The following OCA2 variants were observed in gnomAD, a reference collection of about 807,000 sequenced individuals.
The protein encoded by OCA2 is OCA2 melanosomal transmembrane protein.
In OCA2, 77 loss-of-function variants were observed where a neutral mutation model predicts 100.2. The observed-to-expected ratio is 0.77, with a 90% CI of 0.64 to 0.93. OCA2 has a LOEUF of 0.93. Ranked by LOEUF, OCA2 falls within the 40% of genes least tolerant of loss-of-function variation. The probability of loss-of-function intolerance (pLI) is 0.00; values close to 1 mark genes in which losing one functional copy is unlikely to be tolerated. For synonymous variants in OCA2, 432 were observed against 439.2 expected, an observed-to-expected ratio of 0.98 and a Z score of 0.21; for missense variants, 1,062 against 1,089.1, an observed-to-expected ratio of 0.98 and a Z score of 0.35.
rs148659233 is a variant in OCA2, at chr15:28,018,516, C to A, written c.688G>T (p.Val230Leu). The A allele has an allele frequency of 4.3e-5, 69 of 1,613,652 alleles. No individual in the cohort carries two copies. The African/African-American group carries it at 8.7e-4, about 20-fold the overall frequency. The change falls in exon 7 of 24, where the codon GTG (valine) becomes TTG (leucine). Residue 230 changes from valine to leucine, a missense_variant. Val to Leu is a conservative substitution (Grantham distance 32). Coordinates refer to ENST00000354638, the MANE Select transcript of OCA2 (RefSeq NM_000275.3). Reference protein sequence around the residue: ...SSHVDSTLLQVDLAGALVASG... With the variant: ...SSHVDSTLLQLDLAGALVASG... ...GCCACTAGGGCCCCTGCCAGGTCCA[C>A]CTGCAGCAGCGTGGAGTCCACGTGG...
intron 17 of OCA2, among the ~76,000 whole-genome samples, chr15:27,952,361 C>T (rs918849812): frequency 6.6e-6 from 1 of 152,190 alleles, no homozygotes. Flanking sequence ...GAATGACACC[C>T]GCGAGAATCC....
chr15:28,094,338 G>A (rs1486283828), intron 1 of OCA2, among the ~76,000 whole-genome samples: 5 of 152,112 alleles, frequency 3.3e-5, no homozygotes, highest in Admixed American at 2.6e-4. Flanking sequence ...GACTTGCCTA[G>A]GGCAGGGCCA....
intron 7 of OCA2, among the ~76,000 whole-genome samples, chr15:28,017,230 G>A (rs940825731): frequency 6.6e-6 from 1 of 152,154 alleles, no homozygotes; most frequent in African/African-American, 2.4e-5. Context: ...TATCTGGGGG[G>A]AAAAATCCTT....
At chr15:27,805,315 C>A (rs1035947965) in intron 23 of OCA2, among the ~76,000 whole-genome samples, 2 of 152,252 alleles carry the variant, frequency 1.3e-5, no homozygotes, top group South Asian at 4.1e-4. Context: ...AGGCGATAAG[C>A]CTTAGGGGCT....
In OCA2 at chr15:28,022,656, A is replaced by T; in HGVS notation, c.574-83T>A. 6.9e-6 allele frequency: 7 copies of T among 1,009,898 alleles called. No individual in the cohort carries two copies. In the South Asian group the frequency reaches 9.1e-5, roughly 13 times the overall value. The allele number at this position is 1,009,898 out of a possible 1,614,324, so 62.6% of individuals were successfully genotyped here. On this transcript the variant is annotated intron_variant, in intron 5 of 23. Coordinates refer to ENST00000354638, the MANE Select transcript of OCA2 (RefSeq NM_000275.3). ...AATCATTTTGATAACAGTCGAAAAC[A>T]GATGTGATGATGGGGCTACTGTGTG...
intron 23 of OCA2, among the ~76,000 whole-genome samples, chr15:27,832,482 G>A (rs1047461665): frequency 2.2e-4 from 33 of 152,118 alleles, no homozygotes; most frequent in Admixed American, 2.1e-3. Flanking sequence ...CATCTTCAGC[G>A]CCATCCTCTT....
chr15:28,026,479 C>G (rs2042750667), intron 4 of OCA2, among the ~76,000 whole-genome samples: 1 of 152,134 alleles, frequency 6.6e-6, no homozygotes, highest in African/African-American at 2.4e-5. Context: ...TTTATTGCAC[C>G]CACGAGGGGG....
chr15:27,791,546 G>T (rs1266886405), intron 23 of OCA2, among the ~76,000 whole-genome samples: 1 of 152,218 alleles, frequency 6.6e-6, no homozygotes, highest in Non-Finnish European at 1.5e-5. Context: ...TTTTTCCAGT[G>T]ATAGACCTGC....
chr15:28,000,458 G>T, intron 9 of OCA2, among the ~76,000 whole-genome samples: 1 of 152,084 alleles, frequency 6.6e-6, no homozygotes. Context: ...TACAGAAATT[G>T]ACTTAAAATT....
intron 2 of OCA2, among the ~76,000 whole-genome samples, chr15:28,061,821 C>T (rs771676196): frequency 3.3e-5 from 5 of 152,152 alleles, no homozygotes; most frequent in Admixed American, 6.5e-5. Flanking sequence ...TGAAAACATA[C>T]AATTTATCGT....
chr15:27,768,639 A>G (rs2031472347), intron 23 of OCA2, among the ~76,000 whole-genome samples: 1 of 152,224 alleles, frequency 6.6e-6, no homozygotes, highest in African/African-American at 2.4e-5. Flanking sequence ...TGGCTTGGCC[A>G]GCCTCGAGCT....
intron 18 of OCA2, 64 bp from the exon 19 acceptor site, chr15:27,926,318 A>C (rs1338678389): frequency 1.9e-6 from 3 of 1,584,456 alleles, no homozygotes; most frequent in Non-Finnish European, 2.6e-6. Flanking sequence ...TCATTTCTTT[A>C]ACCTCTGGTT....
chr15:27,993,051 G>A (rs907619540), intron 9 of OCA2, among the ~76,000 whole-genome samples: 2 of 152,138 alleles, frequency 1.3e-5, no homozygotes, highest in African/African-American at 4.8e-5. Context: ...TTGAGCCCTG[G>A]AGGCAGAGCC....
At chr15:28,093,247 C>A (rs2044901143) in intron 1 of OCA2, among the ~76,000 whole-genome samples, 1 of 152,108 alleles carries the variant, frequency 6.6e-6, no homozygotes, top group South Asian at 2.1e-4. Flanking sequence ...CATGGTGTAA[C>A]CTCGCCTCTA....
At chr15:28,095,382 G>C (rs894626077) in intron 1 of OCA2, among the ~76,000 whole-genome samples, 1 of 152,212 alleles carries the variant, frequency 6.6e-6, no homozygotes, top group African/African-American at 2.4e-5. Context: ...TCACAGTGGC[G>C]GCGATCAACA....
chr15:27,911,820 A>G (rs916720003), intron 19 of OCA2, among the ~76,000 whole-genome samples: 10 of 152,212 alleles, frequency 6.6e-5, no homozygotes, highest in African/African-American at 1.9e-4. Flanking sequence ...CCCAGCCCCA[A>G]TAAGTGCATT....
chr15:28,048,600 G>T (rs887490575), intron 2 of OCA2, among the ~76,000 whole-genome samples: 14 of 151,886 alleles, frequency 9.2e-5, no homozygotes, highest in Admixed American at 9.2e-4. Flanking sequence ...AAACAAACAT[G>T]ACCTTGGATT....
intron 23 of OCA2, among the ~76,000 whole-genome samples, chr15:27,808,813 T>A (rs1445214521): frequency 2.0e-5 from 3 of 152,124 alleles, no homozygotes; most frequent in Non-Finnish European, 4.4e-5. Context: ...GGGATCCCTA[T>A]GGAATTGTCA....
chr15:27,974,506 C>T (rs2040903358), intron 14 of OCA2, among the ~76,000 whole-genome samples: 2 of 152,194 alleles, frequency 1.3e-5, no homozygotes, highest in African/African-American at 4.8e-5. Context: ...GCGGCTCATG[C>T]CTATAATCTC....
Sources: gnomAD v4.1 joint callset for allele counts (sites outside exome capture counted in the v4.1 genomes callset) on GRCh38, gnomAD v4.1.1 for gene constraint, MANE v1.5 for transcripts, NCBI Gene and HGNC (gene_info 2026-07-23, HGNC 2026-07-21) for gene names.